Variants in BCL2L11 observed in about 807,000 individuals in gnomAD.
The protein encoded by BCL2L11 is BCL2 like 11, also known as bcl-2-like protein 11.
BCL2L11 carries 15 observed loss-of-function variants against 20.6 expected under a neutral mutation model. The ratio of observed to expected loss-of-function variants is 0.73; its 90% CI spans 0.49 to 1.12. The LOEUF (loss-of-function observed/expected upper bound fraction) is 1.12, where lower values mean the gene tolerates loss of function less well. BCL2L11 is among the 50% of genes most tolerant of loss of function. The probability of loss-of-function intolerance (pLI) is 0.00; values close to 1 mark genes in which losing one functional copy is unlikely to be tolerated. For missense variants in BCL2L11, 292 were observed against 260.9 expected (o/e 1.12, Z -0.82); for synonymous variants, 108 against 92.8 (o/e 1.16, Z -0.94).
At chr2:111,130,672 A>G (rs1467196900) in intron 2 of BCL2L11, among the ~76,000 whole-genome samples, 1 of 152,230 alleles carries the variant, frequency 6.6e-6, no homozygotes. Flanking sequence ...GCAAACATCC[A>G]TACCTAGTCC....
intron 2 of BCL2L11, chr2:111,144,604 A>T (rs1344937117): frequency 4.9e-6 from 7 of 1,429,850 alleles, no homozygotes; most frequent in Non-Finnish European, 6.7e-6. Context: ...ATTTAGAAAG[A>T]TATTTCTGAA....
chr2:111,121,630 G>GT (rs1403549146), intron 1 of BCL2L11, among the ~76,000 whole-genome samples: 1 of 152,200 alleles, frequency 6.6e-6, no homozygotes, highest in Non-Finnish European at 1.5e-5. Flanking sequence ...TCGTGTCTTG[G>GT]TTTTTTGGGG....
At position 111,165,857 on chromosome 2, in the gene BCL2L11, C is replaced by T. The variant is rs1262364515; in HGVS notation, c.*1626C>T. 6.6e-6 allele frequency: 1 copy of T among 152,132 alleles called. No individual in the cohort carries two copies. Among genetic ancestry groups the T allele is most frequent in the Non-Finnish European group, 1.5e-5 (1 of 68,028 alleles). The allele number at this position is 152,132 out of a possible 1,614,324, so 9.4% of individuals were successfully genotyped here. A position where few individuals can be genotyped will look rare whatever the true frequency, so the allele number is the denominator to read the frequency against. ...CCCGATAGAAGAGCCAGCATGTTCA[C>T]GTTATTTAAATTAGGTGGAAAAATC... is the stretch of plus-strand genomic sequence containing the variant. On this transcript the variant is annotated 3_prime_UTR_variant, in exon 4 of 4. Transcript: ENST00000393256.
intron 2 of BCL2L11, among the ~76,000 whole-genome samples, chr2:111,148,092 G>A (rs1012450320): frequency 2.0e-5 from 3 of 152,236 alleles, no homozygotes; most frequent in African/African-American, 7.2e-5. Context: ...GTAGTTCACA[G>A]ATGTCCTTTT....
intron 3 of BCL2L11, among the ~76,000 whole-genome samples, chr2:111,155,977 A>G (rs891030186): frequency 1.3e-5 from 2 of 152,094 alleles, no homozygotes; most frequent in Non-Finnish European, 2.9e-5. Context: ...TTACATTAGC[A>G]TTTTCCTGTG....
chr2:111,133,612 C>T (rs566826544), intron 2 of BCL2L11, among the ~76,000 whole-genome samples: 1 of 151,954 alleles, frequency 6.6e-6, no homozygotes, highest in Non-Finnish European at 1.5e-5. Flanking sequence ...ACAAATGTGT[C>T]GAGAATTTGT....
chr2:111,156,821 C>G (rs538972430), intron 3 of BCL2L11, among the ~76,000 whole-genome samples: 9 of 152,266 alleles, frequency 5.9e-5, no homozygotes, highest in Non-Finnish European at 1.2e-4. Flanking sequence ...AGAGATGGAG[C>G]TAGAAAATTC....
chr2:111,149,686 A>G (rs1438988374), intron 2 of BCL2L11, among the ~76,000 whole-genome samples: 2 of 152,290 alleles, frequency 1.3e-5, no homozygotes, highest in African/African-American at 2.4e-5. Flanking sequence ...CTAAATTGTT[A>G]TGTTATAATT....
chr2:111,148,061 A>C (rs923447041), intron 2 of BCL2L11, among the ~76,000 whole-genome samples: 63 of 152,354 alleles, frequency 4.1e-4, no homozygotes, highest in Admixed American at 1.8e-3. Context: ...CCAGTCTGCC[A>C]ACTTTATAAA....
Position 111,166,053 on chromosome 2 carries a change from T to G in BCL2L11, c.*1822T>G, listed in dbSNP as rs6753785. 0.55 allele frequency: 84,072 copies of G among 152,420 alleles called. 23,920 individuals are homozygous for G. Among genetic ancestry groups the G allele is most frequent in the African/African-American group, 0.66 (27,246 of 41,454 alleles). 9.4% of individuals were successfully genotyped at this position (152,420 alleles called of 1,614,324 possible). On this transcript the variant is annotated 3_prime_UTR_variant, in exon 4 of 4. Transcript: ENST00000393256. ...ATTTTTAAAGCTGTGTTGGAGCTCA[T>G]CTTGTTCCCTGATGTGTCTCGAGCC...
intron 2 of BCL2L11, among the ~76,000 whole-genome samples, chr2:111,135,966 C>A (rs1195100311): frequency 3.9e-5 from 6 of 152,128 alleles, no homozygotes; most frequent in African/African-American, 1.4e-4. Context: ...GGGAGATCGG[C>A]CTGCTGACAC....
intron 2 of BCL2L11, among the ~76,000 whole-genome samples, chr2:111,127,467 T>C (rs1574918826): frequency 6.6e-6 from 1 of 150,566 alleles, no homozygotes; most frequent in South Asian, 2.1e-4. Flanking sequence ...ACTTCTCTTA[T>C]AGCTGGTACT....
Position 111,164,243 on chromosome 2 carries a change from C to A in BCL2L11, c.*12C>A. On this transcript the variant is annotated 3_prime_UTR_variant, in exon 4 of 4. Transcript: ENST00000393256. Reference sequence around the variant, plus strand: ...GGAGAATGCATTGACAGGTTCTTTGCGGAGCCGAGATACCATGCAGACATT... The same window carrying A: ...GGAGAATGCATTGACAGGTTCTTTGAGGAGCCGAGATACCATGCAGACATT... 2 of 1,577,420 alleles carry A rather than the reference C, an allele frequency of 1.3e-6. No individual in the cohort carries two copies. The highest frequency in any genetic ancestry group is 1.7e-6 in the Non-Finnish European group (2 of 1,146,484).
chr2:111,123,782 G>T lies in BCL2L11; in HGVS notation c.37G>T (p.Asp13Tyr). 6.9e-7 allele frequency: 1 copy of T among 1,446,906 alleles called. No homozygotes were observed. Among genetic ancestry groups the T allele is most frequent in the South Asian group, 1.6e-5 (1 of 61,768 alleles). 89.6% of individuals were successfully genotyped at this position (1,446,906 alleles called of 1,614,324 possible). The change falls in exon 2 of 4, where the codon GAC (aspartate) becomes TAC (tyrosine). Residue 13 changes from aspartate to tyrosine, a missense_variant. Physicochemically the swap from Asp to Tyr is radical, Grantham distance 160. Transcript: ENST00000393256. ...ACCTTCTGATGTAAGTTCTGAGTGT[G>T]ACCGAGAAGGTAGACAATTGCAGCC... is the stretch of plus-strand genomic sequence containing the variant. ...KQPSDVSSEC[D>Y]REGRQLQPAE... is the part of the protein sequence containing the mutation.
intron 3 of BCL2L11, among the ~76,000 whole-genome samples, chr2:111,155,452 A>T (rs1266781596): frequency 6.6e-6 from 1 of 152,152 alleles, no homozygotes; most frequent in Non-Finnish European, 1.5e-5. Flanking sequence ...GATAGTGTCT[A>T]CTTGGGTGGG....
intron 2 of BCL2L11, among the ~76,000 whole-genome samples, chr2:111,136,845 A>T (rs547986734): frequency 6.6e-6 from 1 of 152,270 alleles, no homozygotes; most frequent in Non-Finnish European, 1.5e-5. Flanking sequence ...GGCTGCAAAG[A>T]CTACTCTGAA....
At chr2:111,121,978 C>T (rs568358030) in intron 1 of BCL2L11, among the ~76,000 whole-genome samples, 2 of 152,272 alleles carry the variant, frequency 1.3e-5, no homozygotes, top group Admixed American at 6.5e-5. Context: ...TGCAGGCTGG[C>T]GGCGCCGTGC....
chr2:111,150,001 G>A (rs1433524103), intron 2 of BCL2L11, 43 bp from the exon 3 acceptor site: 4 of 1,557,208 alleles, frequency 2.6e-6, no homozygotes, highest in Admixed American at 3.4e-5. Context: ...CCAGTGATCT[G>A]TGGACCACAA....
At chr2:111,127,845 CAAAAA>C (rs754768739) in intron 2 of BCL2L11, among the ~76,000 whole-genome samples, 13 of 151,734 alleles carry the variant, frequency 8.6e-5, no homozygotes, top group Non-Finnish European at 1.8e-4. Context: ...TTTGAGGAGA[CAAAAA>C]AGAATGCAAA....
Sources: allele counts gnomAD v4.1 joint callset (sites outside exome capture counted in the v4.1 genomes callset), GRCh38; gene constraint gnomAD v4.1.1; transcripts MANE v1.5; gene names NCBI Gene and HGNC (gene_info 2026-07-23, HGNC 2026-07-21).